C6: variants seen among roughly 807,000 people sequenced by gnomAD.
The protein encoded by C6 is complement C6.
A neutral mutation model predicts 112.9 loss-of-function variants in C6; 101 were observed. The observed-to-expected ratio is 0.89, with a 90% CI of 0.76 to 1.06. The LOEUF (loss-of-function observed/expected upper bound fraction) is 1.06. Ranked by LOEUF, C6 falls within the 50% of genes least tolerant of loss-of-function variation. The pLI, the probability that C6 is intolerant of heterozygous loss-of-function variation, is 0.00. For missense variants in C6, 1,202 were observed against 1,104.6 expected (o/e 1.09, Z -1.25); for synonymous variants, 431 against 384.1 (o/e 1.12, Z -1.43).
intron 6 of C6, among the ~76,000 whole-genome samples, chr5:41,183,653 T>C (rs564077581): frequency 6.6e-6 from 1 of 152,212 alleles, no homozygotes; most frequent in South Asian, 2.1e-4. Context: ...AGAAAACAAA[T>C]TGTTCTACCA....
intron 14 of C6, 98 bp downstream of exon 14, chr5:41,154,874 G>C (rs1356079291): frequency 7.9e-7 from 1 of 1,263,544 alleles, no homozygotes; most frequent in Admixed American, 1.7e-5. Context: ...CTAAAAACTA[G>C]TAAAATGTAT....
At chr5:41,209,722 C>T (rs1259884218) in intron 1 of C6, among the ~76,000 whole-genome samples, 1 of 152,130 alleles carries the variant, frequency 6.6e-6, no homozygotes, top group Non-Finnish European at 1.5e-5. Context: ...AAAGAGGACA[C>T]AAACAAATGG....
chr5:41,238,520 G>A (rs1434173390), intron 1 of C6, among the ~76,000 whole-genome samples: 1 of 152,166 alleles, frequency 6.6e-6, no homozygotes, highest in Non-Finnish European at 1.5e-5. Context: ...ATTCACACCA[G>A]AAGCGAAAGT....
rs1235180135 is a variant in C6 at position 41,159,065 on chromosome 5, CCCTTACCCGG to C, written c.1856+7_1856+16del. The stretch of plus-strand genomic sequence containing the variant: ...TTAGGGCAAAATGACCCATTCTTTT[CCCTTACCCGG>C]CCTTACTTGTTTTCCATGATTGAAA... On this transcript the variant is annotated splice_region_variant and intron_variant, in intron 12 of 17. Transcript: ENST00000337836. The C allele has an allele frequency of 6.2e-7, 1 of 1,613,494 alleles. No homozygotes were observed. The highest frequency in any genetic ancestry group is 1.7e-5 in the Admixed American group (1 of 59,988).
chr5:41,207,241 A>C (rs1026549948), intron 1 of C6, among the ~76,000 whole-genome samples: 2 of 152,224 alleles, frequency 1.3e-5, no homozygotes. Flanking sequence ...TAAACATAGA[A>C]AGGAAAAACT....
At chr5:41,232,664 T>A (rs1444907) in intron 1 of C6, among the ~76,000 whole-genome samples, 11,761 of 151,984 alleles carry the variant, frequency 0.077, 742 homozygotes, top group African/African-American at 0.17. Flanking sequence ...GTAAAAAAAA[T>A]TTTAAGTCAT....
At chr5:41,170,508 C>T (rs1025043) in intron 9 of C6, among the ~76,000 whole-genome samples, 46,491 of 151,662 alleles carry the variant, frequency 0.31, 8,304 homozygotes, top group Non-Finnish European at 0.42. Context: ...GATATAGAAT[C>T]TGTATTCATA....
Position 41,160,341 on chromosome 5 carries a change from T to C in C6, c.1485A>G (p.Arg495=). 1 of 1,613,794 alleles carries C rather than the reference T, an allele frequency of 6.2e-7. No homozygotes were observed. Among genetic ancestry groups the C allele is most frequent in the Non-Finnish European group, 8.5e-7 (1 of 1,179,800 alleles). ...GTTTTGTCACTGCACAGGGGATGTT[T>C]CTTACCAAGTCCACGATGGGGGCAA... is the stretch of plus-strand genomic sequence containing the variant. ...FELAPIVDLV[R]NIPCAVTKRN... The change falls in exon 11 of 18, where the codon AGA becomes AGG. Residue 495 remains arginine (R), a synonymous_variant. Transcript: ENST00000337836.
At chr5:41,245,292 G>A (rs1434695573) in intron 1 of C6, among the ~76,000 whole-genome samples, 1 of 152,172 alleles carries the variant, frequency 6.6e-6, no homozygotes, top group Non-Finnish European at 1.5e-5. Context: ...CACTTTGGGA[G>A]GCCGAGATGG....
At chr5:41,178,377 G>A (rs1749027086) in intron 7 of C6, among the ~76,000 whole-genome samples, 1 of 151,880 alleles carries the variant, frequency 6.6e-6, no homozygotes, top group Non-Finnish European at 1.5e-5. Context: ...GAAAGACTTG[G>A]ATTGATTTTC....
At chr5:41,210,041 A>G (rs1333021897) in intron 1 of C6, among the ~76,000 whole-genome samples, 3 of 152,212 alleles carry the variant, frequency 2.0e-5, no homozygotes, top group East Asian at 1.9e-4. Flanking sequence ...GGAACAGAAC[A>G]GAGCCCTCAG....
chr5:41,181,297 G>A, intron 7 of C6, 62 bp downstream of exon 7: 1 of 1,423,800 alleles, frequency 7.0e-7, no homozygotes, highest in African/African-American at 1.4e-5. Flanking sequence ...CTTATTGCAT[G>A]ATTACTGGAA....
At chr5:41,238,507 T>A (rs1372192299) in intron 1 of C6, among the ~76,000 whole-genome samples, 1 of 152,178 alleles carries the variant, frequency 6.6e-6, no homozygotes, top group African/African-American at 2.4e-5. Context: ...ATGGGGCAAG[T>A]CTATTCACAC....
chr5:41,234,078 G>A (rs1035145797), intron 1 of C6, among the ~76,000 whole-genome samples: 4 of 151,964 alleles, frequency 2.6e-5, no homozygotes, highest in African/African-American at 9.7e-5. Flanking sequence ...GTTTTGGTAA[G>A]CCAGAATTTA....
intron 1 of C6, among the ~76,000 whole-genome samples, chr5:41,204,674 T>TTTTC (rs1015219481): frequency 6.9e-6 from 1 of 144,946 alleles, no homozygotes; most frequent in African/African-American, 2.6e-5. Flanking sequence ...TTTTTTCTTT[T>TTTTC]TTTTTTTTTT....
At chr5:41,167,904 G>A (rs537766497) in intron 9 of C6, among the ~76,000 whole-genome samples, 20 of 152,248 alleles carry the variant, frequency 1.3e-4, no homozygotes, top group Non-Finnish European at 2.2e-4. Flanking sequence ...TGTAGGAAGG[G>A]AAGAAATAAT....
chr5:41,208,851 A>G (rs997251215), intron 1 of C6, among the ~76,000 whole-genome samples: 10 of 152,100 alleles, frequency 6.6e-5, no homozygotes, highest in African/African-American at 2.4e-4. Flanking sequence ...AAAAGAGGGA[A>G]TCCTCCCTAA....
chr5:41,245,222 AT>A (rs1036206199), intron 1 of C6, among the ~76,000 whole-genome samples: 10 of 152,056 alleles, frequency 6.6e-5, no homozygotes, highest in African/African-American at 2.2e-4. Flanking sequence ...TAACATTGGC[AT>A]TTTTTTCTTC....
chr5:41,153,940 T>A lies in C6; in HGVS notation c.2160A>T (p.Arg720Ser), dbSNP rs143400821. 54 of 1,613,572 alleles carry A rather than the reference T, an allele frequency of 3.3e-5. No homozygotes were observed. The African/African-American group carries it at 5.9e-4, about 18-fold the overall frequency. The change falls in exon 15 of 18, where the codon AGA becomes AGT. Residue 720 changes from arginine to serine, a missense_variant. Coordinates refer to ENST00000337836, the MANE Select transcript of C6 (RefSeq NM_000065.5). ...CAATGGATTCACCAATTCTATACAA[T>A]CTCTGAAATGGTGTAATTGTCAGGA... ...QEVLTITPFQ[R>S]LYRIGESIEL...
Sources: allele counts gnomAD v4.1 joint callset (sites outside exome capture counted in the v4.1 genomes callset), GRCh38; gene constraint gnomAD v4.1.1; transcripts MANE v1.5; gene names NCBI Gene and HGNC (gene_info 2026-07-23, HGNC 2026-07-21).